Variants in BPIFB2 observed in about 807,000 individuals in gnomAD.
BPIFB2 encodes the protein BPI fold containing family B member 2, also known as BPI fold-containing family B member 2.
A neutral mutation model predicts 50.1 loss-of-function variants in BPIFB2; 39 were observed. That is an observed-to-expected ratio of 0.78 (90% confidence interval 0.60 to 1.02). The LOEUF (loss-of-function observed/expected upper bound fraction) is 1.02. Ranked by LOEUF, BPIFB2 falls within the 50% of genes least tolerant of loss-of-function variation. The pLI, the probability that BPIFB2 is intolerant of heterozygous loss-of-function variation, is 0.00. For missense variants in BPIFB2, 574 were observed against 585.8 expected, an observed-to-expected ratio of 0.98 and a Z score of 0.21; for synonymous variants, 280 against 256.3, an observed-to-expected ratio of 1.09 and a Z score of -0.88.
At position 33,013,973 on chromosome 20, in the gene BPIFB2, G is replaced by A. The variant is rs1737939041; in HGVS notation, c.455+17G>A. 1.9e-6 allele frequency: 3 copies of A among 1,607,328 alleles called. No homozygotes were observed. The highest frequency in any genetic ancestry group is 2.6e-6 in the Non-Finnish European group (3 of 1,174,984). On this transcript the variant is annotated intron_variant, in intron 5 of 15. Coordinates refer to ENST00000170150, the MANE Select transcript of BPIFB2 (RefSeq NM_025227.3). Reference sequence around the variant, plus strand: ...CAGTAACAGGTGGGTGCCTGGTGAGGGCAGGGTCACAGGAATCCCAGATGC... The same window carrying A: ...CAGTAACAGGTGGGTGCCTGGTGAGAGCAGGGTCACAGGAATCCCAGATGC...
chr20:33,021,425 C>G (rs1978666161), intron 14 of BPIFB2, 81 bp downstream of exon 14: 2 of 1,452,868 alleles, frequency 1.4e-6, no homozygotes, highest in Non-Finnish European at 1.9e-6. Context: ...ATCCCAGCCC[C>G]CTTCCCACCT....
rs1452879147 is a variant in BPIFB2 at position 33,019,673 on chromosome 20, C to G, written c.1003C>G (p.Leu335Val). The G allele has an allele frequency of 6.2e-7, 1 of 1,612,724 alleles. No homozygotes were observed. Among genetic ancestry groups the G allele is most frequent in the East Asian group, 2.2e-5 (1 of 44,836 alleles). ...VAMLHTNNAT[L>V]RLQPFVEVLA... is the part of the protein sequence containing the mutation. ...CATGCTCCACACAAACAACGCCACCCTGCGGCTGCAGCCCTTCGTGGAGGT... is the reference window on the plus strand; with the variant it reads ...CATGCTCCACACAAACAACGCCACCGTGCGGCTGCAGCCCTTCGTGGAGGT... The change falls in exon 11 of 16, where the codon CTG becomes GTG. Residue 335 changes from leucine to valine, a missense_variant. Coordinates refer to ENST00000170150, the MANE Select transcript of BPIFB2 (RefSeq NM_025227.3).
At chr20:33,008,254 C>T (rs1395606735) in intron 1 of BPIFB2, among the ~76,000 whole-genome samples, 2 of 152,218 alleles carry the variant, frequency 1.3e-5, no homozygotes, top group Non-Finnish European at 2.9e-5. Flanking sequence ...TATGCCATGG[C>T]TTGGGTCCTG....
In BPIFB2 at chr20:33,008,624, T is replaced by A. The variant is rs149889663; in HGVS notation, c.50T>A (p.Val17Glu). 7,963 of 1,607,478 alleles carry A rather than the reference T, an allele frequency of 5.0e-3. 36 individuals are homozygous for A. Among genetic ancestry groups the A allele is most frequent in the Middle Eastern group, 0.029 (174 of 6,050 alleles). ...CTGCTGCTGGCACTGCTGCTGCCCG[T>A]GGTCGGTGCCTCCACGCCAGGCACC... Reference protein sequence around the residue: ...LGLLLALLLPVVGASTPGTVV... With the variant: ...LGLLLALLLPEVGASTPGTVV... Residue 17 changes from valine (V) to glutamate (E), a missense_variant, in exon 2 of 16, where the codon GTG (valine) becomes GAG (glutamate). Physicochemically the swap from Val to Glu is moderately radical, Grantham distance 121 (BLOSUM62 -2). Coordinates refer to ENST00000170150, the MANE Select transcript of BPIFB2 (RefSeq NM_025227.3).
intron 6 of BPIFB2, among the ~76,000 whole-genome samples, chr20:33,015,717 G>T (rs929555140): frequency 3.9e-5 from 6 of 152,078 alleles, no homozygotes; most frequent in African/African-American, 1.2e-4. Flanking sequence ...GGGTTGGAGG[G>T]GAGGGGGAGG....
intron 10 of BPIFB2, 126 bp from the exon 11 acceptor site, chr20:33,019,454 G>T (rs983828808): frequency 7.9e-6 from 9 of 1,139,776 alleles, no homozygotes; most frequent in Non-Finnish European, 1.1e-5. Flanking sequence ...ACACAGAGGG[G>T]GGACCCACCT....
rs748992554 is a variant in BPIFB2, at chr20:33,013,937, G to A, written c.436G>A (p.Glu146Lys). The A allele has an allele frequency of 3.7e-6, 6 of 1,613,588 alleles. No individual in the cohort carries two copies. Among genetic ancestry groups the A allele is most frequent in the Admixed American group, 3.3e-5 (2 of 59,980 alleles). ...CTCTTTATTCTCGGGCCACGCCAAC[G>A]AGTTTGATGGCAGTAACAGGTGGGT... Reference protein sequence around the residue: ...ACSLFSGHANEFDGSNSTSHA... With the variant: ...ACSLFSGHANKFDGSNSTSHA... Residue 146 changes from glutamate (E) to lysine (K), a missense_variant, in exon 5 of 16, where the codon GAG becomes AAG. By Grantham distance (56) the Glu-to-Lys change is moderately conservative. Transcript: ENST00000170150.
At chr20:33,016,265 G>T (rs78129226) in intron 6 of BPIFB2, among the ~76,000 whole-genome samples, 2,003 of 152,222 alleles carry the variant, frequency 0.013, 43 homozygotes, top group African/African-American at 0.046. Context: ...CGAGGCTCGA[G>T]GGGTGAAGGT....
At chr20:33,013,670 C>A in intron 4 of BPIFB2, 140 bp from the exon 5 acceptor site, 1 of 1,241,670 alleles carries the variant, frequency 8.1e-7, no homozygotes, top group Non-Finnish European at 1.1e-6. Context: ...CCAGGTAGGG[C>A]CATCTCACTC....
At position 33,019,743 on chromosome 20, in the gene BPIFB2, T is replaced by C. The variant is rs1978587928; in HGVS notation, c.1073T>C (p.Leu358Pro). ...SNSAFQSLFS[L>P]DVVVNLRLQL... ...TCGGCTTTCCAGTCCCTCTTCTCCC[T>C]GGATGTGGTGAGTGCGGTGGGGCTG... is the stretch of plus-strand genomic sequence containing the variant. The change falls in exon 11 of 16, where the codon CTG becomes CCG. Residue 358 changes from leucine to proline, a missense_variant. By Grantham distance (98) the Leu-to-Pro change is moderately conservative. Coordinates refer to ENST00000170150, the MANE Select transcript of BPIFB2 (RefSeq NM_025227.3). 1.2e-6 allele frequency: 2 copies of C among 1,604,022 alleles called. No homozygotes were observed. The highest frequency in any genetic ancestry group is 1.1e-5 in the South Asian group (1 of 89,354).
chr20:33,015,632 C>A, intron 6 of BPIFB2, 136 bp downstream of exon 6: 1 of 797,544 alleles, frequency 1.3e-6, no homozygotes, highest in Non-Finnish European at 1.9e-6. Flanking sequence ...TTCATGGTCC[C>A]CATGAAGGCA....
At chr20:33,019,869 G>A in intron 11 of BPIFB2, 119 bp downstream of exon 11, 1 of 1,269,732 alleles carries the variant, frequency 7.9e-7, no homozygotes, top group Non-Finnish European at 1.1e-6. Flanking sequence ...CCTTGAATGT[G>A]TCAGGACACT....
At chr20:33,021,684 G>A in intron 14 of BPIFB2, 39 bp from the exon 15 acceptor site, 1 of 1,594,792 alleles carries the variant, frequency 6.3e-7, no homozygotes, top group Non-Finnish European at 8.6e-7. Flanking sequence ...AGCACAGGCT[G>A]GCTCCAGGGG....
At chr20:33,011,840 G>C (rs1272021258) in intron 3 of BPIFB2, among the ~76,000 whole-genome samples, 2 of 152,172 alleles carry the variant, frequency 1.3e-5, no homozygotes, top group Admixed American at 6.5e-5. Flanking sequence ...TTAGCTGGGA[G>C]TGGTGGCGTG....
intron 2 of BPIFB2, among the ~76,000 whole-genome samples, chr20:33,008,985 T>C (rs553287769): frequency 1.5e-4 from 23 of 152,168 alleles, no homozygotes; most frequent in Non-Finnish European, 1.9e-4. Flanking sequence ...CCTGTGTGTG[T>C]CTACTTATGA....
intron 10 of BPIFB2, 66 bp from the exon 11 acceptor site, chr20:33,019,514 A>G: frequency 6.8e-7 from 1 of 1,478,684 alleles, no homozygotes; most frequent in Middle Eastern, 2.4e-4. Flanking sequence ...GCATTTGAGG[A>G]GTGACTGACC....
Position 33,019,738 on chromosome 20 carries a change from C to T in BPIFB2, c.1068C>T (p.Phe356=). The T allele has an allele frequency of 6.2e-7, 1 of 1,607,668 alleles. No individual in the cohort carries two copies. Among genetic ancestry groups the T allele is most frequent in the Non-Finnish European group, 8.5e-7 (1 of 1,176,586 alleles). ...TASNSAFQSL[F]SLDVVVNLRL... is the part of the protein sequence containing the mutation. ...CCAACTCGGCTTTCCAGTCCCTCTT[C>T]TCCCTGGATGTGGTGAGTGCGGTGG... The change falls in exon 11 of 16, where the codon TTC becomes TTT. Residue 356 remains phenylalanine (F), a synonymous_variant. Coordinates refer to ENST00000170150, the MANE Select transcript of BPIFB2 (RefSeq NM_025227.3).
At chr20:33,012,419 G>A (rs1383856486) in intron 3 of BPIFB2, among the ~76,000 whole-genome samples, 1 of 152,200 alleles carries the variant, frequency 6.6e-6, no homozygotes, top group Non-Finnish European at 1.5e-5. Context: ...AGCTTCTGTT[G>A]CTGTAGGCTA....
At chr20:33,012,458 G>A (rs117365810) in intron 3 of BPIFB2, among the ~76,000 whole-genome samples, 2,073 of 152,328 alleles carry the variant, frequency 0.014, 84 homozygotes, top group Admixed American at 0.079. Flanking sequence ...TAGGATACCA[G>A]AGAGAGGATT....
Sources: allele counts gnomAD v4.1 joint callset (sites outside exome capture counted in the v4.1 genomes callset), GRCh38; gene constraint gnomAD v4.1.1; transcripts MANE v1.5; gene names NCBI Gene and HGNC (gene_info 2026-07-23, HGNC 2026-07-21).